KNTC1: variants seen among roughly 807,000 people sequenced by gnomAD.
KNTC1 encodes the protein kinetochore associated 1, also known as kinetochore-associated protein 1.
Under a neutral mutation model 314.4 loss-of-function variants are expected in KNTC1, and 253 were observed. That is an observed-to-expected ratio of 0.80 (90% confidence interval 0.73 to 0.89). The LOEUF is 0.89. Among genes scored for constraint, KNTC1 ranks in the 40% least tolerant of loss-of-function variants. The probability of loss-of-function intolerance (pLI) is 0.00; values close to 1 mark genes in which losing one functional copy is unlikely to be tolerated. For missense variants in KNTC1, 2,475 were observed against 2,572.9 expected, an observed-to-expected ratio of 0.96 and a Z score of 0.82; for synonymous variants, 901 against 901.4, an observed-to-expected ratio of 1.00 and a Z score of 0.01.
intron 49 of KNTC1, 63 bp downstream of exon 49, chr12:122,604,700 TTA>T: frequency 1.5e-6 from 2 of 1,314,294 alleles, no homozygotes; most frequent in Non-Finnish European, 2.2e-6. Flanking sequence ...CTAGCTTAAT[TTA>T]CCTTCTCATG....
intron 12 of KNTC1, among the ~76,000 whole-genome samples, chr12:122,548,298 C>T (rs1408086651): frequency 1.3e-5 from 2 of 151,978 alleles, no homozygotes; most frequent in Non-Finnish European, 2.9e-5. Flanking sequence ...AACCCCCCAC[C>T]CCCTGGGTTC....
rs768861176 is a variant in KNTC1 at position 122,613,104 on chromosome 12, TTTTTCAGACATTAGG to T, written c.5623-6_5631del. 6.4e-7 allele frequency: 1 copy of T among 1,574,206 alleles called. No individual in the cohort carries two copies. The highest frequency in any genetic ancestry group is 8.7e-7 in the Non-Finnish European group (1 of 1,147,134). ...GTTCAACTCTCCAAACCTCTTTTGG[TTTTTCAGACATTAGG>T]TATGCATCAGTTAACTTTTGCCCAT... On this transcript the variant is annotated splice_acceptor_variant and splice_polypyrimidine_tract_variant and coding_sequence_variant and intron_variant, in exon 54 of 64. Coordinates refer to ENST00000333479, the MANE Select transcript of KNTC1 (RefSeq NM_014708.6). LOFTEE classifies it high-confidence loss of function.
chr12:122,604,591 T>TCTTG lies in KNTC1; in HGVS notation c.5131_5132insTGCT (p.Cys1711LeufsTer7), dbSNP rs760925089. Reference sequence around the variant, plus strand: ...TCCTTCAAGATATCTGCTTTGAAATTCTGCCTTTATTTAGCTGAGAGATGG... The same window carrying TCTTG: ...TCCTTCAAGATATCTGCTTTGAAATTCTTGCTGCCTTTATTTAGCTGAGAGATGG... On this transcript the variant is annotated frameshift_variant, in exon 49 of 64. Coordinates refer to ENST00000333479, the MANE Select transcript of KNTC1 (RefSeq NM_014708.6). LOFTEE classifies it high-confidence loss of function. 2 of 1,581,328 alleles carry TCTTG rather than the reference T, an allele frequency of 1.3e-6. No homozygotes were observed. Among genetic ancestry groups the TCTTG allele is most frequent in the South Asian group, 2.2e-5 (2 of 89,568 alleles).
chr12:122,619,715 A>G (rs955353204), intron 59 of KNTC1, among the ~76,000 whole-genome samples: 2 of 151,980 alleles, frequency 1.3e-5, no homozygotes, highest in African/African-American at 4.8e-5. Context: ...CCCGGCCAAC[A>G]CTTGTTTTTA....
intron 18 of KNTC1, among the ~76,000 whole-genome samples, chr12:122,559,363 AT>A (rs1963827084): frequency 6.6e-6 from 1 of 152,030 alleles, no homozygotes; most frequent in South Asian, 2.1e-4. Context: ...ATAAAAAAAA[AT>A]CTTCAGGGTT....
At chr12:122,528,894 T>C (rs1961056476) in intron 1 of KNTC1, among the ~76,000 whole-genome samples, 1 of 152,042 alleles carries the variant, frequency 6.6e-6, no homozygotes, top group Non-Finnish European at 1.5e-5. Flanking sequence ...CAAGCTGGAG[T>C]GCAAGTGGCA....
Position 122,561,834 on chromosome 12 carries a change from ATTT to A in KNTC1, c.1489-83_1489-81del, listed in dbSNP as rs576063938. ...ACTTAAATGCAATTTATTTAAAAAAATTTTTTGTTATTTCACAGAAAATCCATC... is the reference window on the plus strand; with the variant it reads ...ACTTAAATGCAATTTATTTAAAAAAATTTGTTATTTCACAGAAAATCCATC... On this transcript the variant is annotated intron_variant, in intron 18 of 63. Transcript: ENST00000333479. The A allele has an allele frequency of 1.4e-5, 15 of 1,101,366 alleles. No individual in the cohort carries two copies. In the African/African-American group the frequency reaches 2.4e-4, roughly 17 times the overall value. The allele number at this position is 1,101,366 out of a possible 1,614,324, so 68.2% of individuals were successfully genotyped here.
At chr12:122,567,632 G>A (rs867082924) in intron 20 of KNTC1, among the ~76,000 whole-genome samples, 1 of 151,840 alleles carries the variant, frequency 6.6e-6, no homozygotes, top group Admixed American at 6.6e-5. Context: ...TGAGGTCAGG[G>A]GTTTGAGACC....
rs1872580413 is a variant in KNTC1, at chr12:122,606,262, CTG to C, written c.5496+849_5496+850del. Among the ~76,000 whole-genome samples, 3 of 129,184 alleles carry C rather than the reference CTG, an allele frequency of 2.3e-5. No homozygotes were observed. In the South Asian group the frequency reaches 7.8e-4, roughly 34 times the overall value. 84.7% of individuals were successfully genotyped at this position (129,184 alleles called of 152,430 possible). On this transcript the variant is annotated intron_variant, in intron 51 of 63. Transcript: ENST00000333479. ...TTTTTTTTGGATACAGAGTCTTACT[CTG>C]TCATCCAGTCTGGAGTGCAGTGGCG...
At position 122,621,930 on chromosome 12, in the gene KNTC1, A is replaced by T; in HGVS notation, c.6329A>T (p.Glu2110Val). The change falls in exon 61 of 64, where the codon GAG becomes GTG. Residue 2110 changes from glutamate (E) to valine (V), a missense_variant. Coordinates refer to ENST00000333479, the MANE Select transcript of KNTC1 (RefSeq NM_014708.6). ...DPQVILKQLE[E>V]HMNTGQLAGF... is the part of the protein sequence containing the mutation. ...CAGGTTATTTTAAAGCAATTGGAAG[A>T]GCATATGAACACGGGCCAGCTAGCA... The T allele has an allele frequency of 6.2e-7, 1 of 1,609,976 alleles. No homozygotes were observed. The highest frequency in any genetic ancestry group is 8.5e-7 in the Non-Finnish European group (1 of 1,178,084).
intron 10 of KNTC1, 80 bp from the exon 11 acceptor site, chr12:122,547,335 A>G: frequency 1.3e-6 from 1 of 796,384 alleles, no homozygotes; most frequent in South Asian, 1.5e-5. Flanking sequence ...AGATCGCACC[A>G]TTGCACTCCA....
intron 12 of KNTC1, among the ~76,000 whole-genome samples, chr12:122,549,078 G>T (rs1171615667): frequency 1.3e-5 from 2 of 152,140 alleles, no homozygotes; most frequent in Admixed American, 6.5e-5. Flanking sequence ...TTTAGAGACA[G>T]TCTCACTCTT....
Position 122,542,046 on chromosome 12 carries a change from A to G in KNTC1, c.446-4A>G, listed in dbSNP as rs570980569. ...AGAAACTGATTCTGATTTTATTTCA[A>G]TAGGTACCTATTATATGCTACTTCT... On this transcript the variant is annotated splice_polypyrimidine_tract_variant and splice_region_variant and intron_variant, in intron 5 of 63. Transcript: ENST00000333479. 73 of 1,518,392 alleles carry G rather than the reference A, an allele frequency of 4.8e-5. No individual in the cohort carries two copies. Among genetic ancestry groups the G allele is most frequent in the South Asian group, 1.1e-4 (9 of 80,126 alleles). The allele number at this position is 1,518,392 out of a possible 1,614,324, so 94.1% of individuals were successfully genotyped here. A position where few individuals can be genotyped will look rare whatever the true frequency, so the allele number is the denominator to read the frequency against.
At chr12:122,596,361 G>A (rs949900923) in intron 43 of KNTC1, among the ~76,000 whole-genome samples, 4 of 151,966 alleles carry the variant, frequency 2.6e-5, no homozygotes, top group Non-Finnish European at 5.9e-5. Context: ...AGGATTACAG[G>A]CGTGAGCCAC....
At chr12:122,601,954 A>G (rs1871976886) in intron 45 of KNTC1, 1 of 179,646 alleles carries the variant, frequency 5.6e-6, no homozygotes, top group Admixed American at 6.4e-5. Flanking sequence ...GAAAAAGGCC[A>G]TGGGACTGAG....
At chr12:122,539,814 C>A in intron 5 of KNTC1, 60 bp downstream of exon 5, 1 of 1,126,246 alleles carries the variant, frequency 8.9e-7, no homozygotes, top group South Asian at 1.5e-5. Context: ...TGGAGTCTCC[C>A]TTTGTCGCCC....
At chr12:122,585,198 CTAAT>C (rs1869061825) in intron 36 of KNTC1, among the ~76,000 whole-genome samples, 1 of 151,928 alleles carries the variant, frequency 6.6e-6, no homozygotes, top group African/African-American at 2.4e-5. Flanking sequence ...CCACATCTGA[CTAAT>C]TAAAAAAAAA....
intron 62 of KNTC1, among the ~76,000 whole-genome samples, chr12:122,624,250 T>A (rs867102150): frequency 2.7e-5 from 4 of 147,556 alleles, no homozygotes; most frequent in Non-Finnish European, 6.0e-5. Flanking sequence ...TAATTTTGAC[T>A]TCAATGCCTC....
rs758598195 is a variant in KNTC1, at chr12:122,604,680, T to A, written c.5175+43T>A. ...GATTGGCGGCTTCTCTTCTTCCTAA[T>A]TAAATTGTACTAGCTTAATTTACCT... is the stretch of plus-strand genomic sequence containing the variant. On this transcript the variant is annotated intron_variant, in intron 49 of 63. Coordinates refer to ENST00000333479, the MANE Select transcript of KNTC1 (RefSeq NM_014708.6). The A allele has an allele frequency of 2.1e-6, 3 of 1,400,164 alleles. No homozygotes were observed. The Admixed American group carries it at 5.2e-5, about 24-fold the overall frequency. 86.7% of individuals were successfully genotyped at this position (1,400,164 alleles called of 1,614,324 possible). A position where few individuals can be genotyped will look rare whatever the true frequency, so the allele number is the denominator to read the frequency against.
Sources: allele counts gnomAD v4.1 joint callset (sites outside exome capture counted in the v4.1 genomes callset), GRCh38; gene constraint gnomAD v4.1.1; transcripts MANE v1.5; gene names NCBI Gene and HGNC (gene_info 2026-07-23, HGNC 2026-07-21).